The following TMEFF2 variants were observed in gnomAD, a reference collection of about 807,000 sequenced individuals.
TMEFF2 encodes the protein transmembrane protein with EGF like and two follistatin like domains 2.
In TMEFF2, 28 loss-of-function variants were observed where a neutral mutation model predicts 53.8. The observed-to-expected ratio is 0.52, with a 90% confidence interval of 0.39 to 0.71. TMEFF2 has a LOEUF of 0.71. Ranked by LOEUF, TMEFF2 falls within the 30% of genes least tolerant of loss-of-function variation. The pLI, the probability that TMEFF2 is intolerant of heterozygous loss-of-function variation, is 0.00. For synonymous variants in TMEFF2, 162 were observed against 166.3 expected (o/e 0.97, Z 0.20); for missense variants, 353 against 455.2 (o/e 0.78, Z 2.04).
At chr2:192,171,430 C>T (rs1690911084) in intron 4 of TMEFF2, among the ~76,000 whole-genome samples, 1 of 151,920 alleles carries the variant, frequency 6.6e-6, no homozygotes. Flanking sequence ...ACACAGCAGC[C>T]AGAGTGATCT....
chr2:192,083,627 C>T (rs973004739), intron 4 of TMEFF2, among the ~76,000 whole-genome samples: 1 of 151,720 alleles, frequency 6.6e-6, no homozygotes, highest in Non-Finnish European at 1.5e-5. Context: ...AAATCCTCTA[C>T]ATAGCGGTTA....
intron 4 of TMEFF2, among the ~76,000 whole-genome samples, chr2:192,147,914 T>A (rs1035119909): frequency 1.2e-4 from 18 of 152,066 alleles, no homozygotes; most frequent in Non-Finnish European, 5.9e-5. Flanking sequence ...GTGATATATA[T>A]TTTTAATATA....
chr2:192,141,459 G>GAAAAAAAAAAAAAAAAAAAA (rs397987092), intron 4 of TMEFF2, among the ~76,000 whole-genome samples: 2 of 107,230 alleles, frequency 1.9e-5, no homozygotes, highest in Non-Finnish European at 1.8e-5. Context: ...TCTCAAAAAA[G>GAAAAAAAAAAAAAAAAAAAA]AAAAAAAAAA....
At chr2:192,145,936 T>C (rs541398104) in intron 4 of TMEFF2, among the ~76,000 whole-genome samples, 1 of 152,036 alleles carries the variant, frequency 6.6e-6, no homozygotes, top group African/African-American at 2.4e-5. Flanking sequence ...GAAAAAAAAC[T>C]GAAAAGCAAC....
chr2:191,991,635 C>T (rs750115303), intron 7 of TMEFF2, among the ~76,000 whole-genome samples: 7 of 152,064 alleles, frequency 4.6e-5, no homozygotes, highest in Non-Finnish European at 1.0e-4. Flanking sequence ...CTTGTGGTTA[C>T]AACCGCTAAA....
chr2:191,955,548 T>TTTTTTTTTTTTTG (rs1559059111), intron 8 of TMEFF2, among the ~76,000 whole-genome samples: 10 of 145,340 alleles, frequency 6.9e-5, no homozygotes, highest in Non-Finnish European at 1.1e-4. Context: ...TTTTTTTTTT[T>TTTTTTTTTTTTTG]AGAGATAGGA....
At chr2:192,163,082 T>C (rs528916315) in intron 4 of TMEFF2, among the ~76,000 whole-genome samples, 21 of 152,322 alleles carry the variant, frequency 1.4e-4, no homozygotes, top group Admixed American at 7.8e-4. Flanking sequence ...GGGTGGGCCT[T>C]GGGCTTTCTG....
intron 7 of TMEFF2, among the ~76,000 whole-genome samples, chr2:191,964,993 C>A (rs957376467): frequency 1.3e-5 from 2 of 152,020 alleles, no homozygotes; most frequent in Admixed American, 6.6e-5. Flanking sequence ...CCAACTGATT[C>A]CTTAAATGTT....
At chr2:192,107,069 A>G (rs79721114) in intron 4 of TMEFF2, among the ~76,000 whole-genome samples, 4,990 of 151,822 alleles carry the variant, frequency 0.033, 269 homozygotes, top group African/African-American at 0.11. Flanking sequence ...TAATAGTGAA[A>G]TATAAGGCTG....
chr2:192,086,622 G>A (rs930359808), intron 4 of TMEFF2, among the ~76,000 whole-genome samples: 12 of 152,118 alleles, frequency 7.9e-5, no homozygotes, highest in Non-Finnish European at 1.5e-4. Context: ...AAAGTTCATA[G>A]TAATAATCAA....
intron 7 of TMEFF2, among the ~76,000 whole-genome samples, chr2:191,966,167 A>C (rs76846635): frequency 1.1e-3 from 162 of 152,304 alleles, no homozygotes; most frequent in African/African-American, 3.7e-3. Context: ...ACTTTGCTTC[A>C]TGGGAACAAC....
chr2:192,131,176 A>G (rs11684424), intron 4 of TMEFF2, among the ~76,000 whole-genome samples: 4 of 38,702 alleles, frequency 1.0e-4, no homozygotes, highest in East Asian at 1.3e-3. Context: ...TTCTGGGAAA[A>G]GGGCAAGTAC....
chr2:192,105,399 A>G (rs1372388701), intron 4 of TMEFF2, among the ~76,000 whole-genome samples: 1 of 152,008 alleles, frequency 6.6e-6, no homozygotes, highest in Non-Finnish European at 1.5e-5. Context: ...AATTAATAAC[A>G]GCTATTATTT....
chr2:192,116,055 C>T (rs568755516), intron 4 of TMEFF2, among the ~76,000 whole-genome samples: 1 of 152,102 alleles, frequency 6.6e-6, no homozygotes, highest in Admixed American at 6.6e-5. Context: ...CAGCATTATT[C>T]ACAGTAGACA....
At chr2:192,184,862 A>T (rs1691273110) in intron 2 of TMEFF2, among the ~76,000 whole-genome samples, 1 of 152,108 alleles carries the variant, frequency 6.6e-6, no homozygotes, top group African/African-American at 2.4e-5. Flanking sequence ...CAAGCTATTA[A>T]AAAACAAAGG....
At chr2:192,160,341 T>C (rs921494333) in intron 4 of TMEFF2, among the ~76,000 whole-genome samples, 2 of 152,196 alleles carry the variant, frequency 1.3e-5, no homozygotes. Context: ...TGTACTGTAA[T>C]ATCCACTTTA....
At chr2:192,044,768 A>G (rs1441677059) in intron 5 of TMEFF2, among the ~76,000 whole-genome samples, 2 of 152,152 alleles carry the variant, frequency 1.3e-5, no homozygotes, top group Admixed American at 6.5e-5. Context: ...TTCTGTGGAT[A>G]ACTACTCTCC....
rs1328879244 is a variant in TMEFF2 at position 192,179,566 on chromosome 2, T to G, written c.439+102A>C. On this transcript the variant is annotated intron_variant, in intron 4 of 9. Transcript: ENST00000272771. The stretch of plus-strand genomic sequence containing the variant: ...GTTTCACCTTTCCTAAAATGCAAAA[T>G]ATGAAATTTGTCTTAAATATCTGAA... 2.1e-5 allele frequency: 28 copies of G among 1,317,480 alleles called. No homozygotes were observed. The Middle Eastern group carries it at 6.1e-4, about 29-fold the overall frequency. The allele number at this position is 1,317,480 out of a possible 1,614,324, so 81.6% of individuals were successfully genotyped here.
intron 4 of TMEFF2, among the ~76,000 whole-genome samples, chr2:192,118,590 T>C (rs568173129): frequency 6.6e-6 from 1 of 152,300 alleles, no homozygotes; most frequent in East Asian, 1.9e-4. Flanking sequence ...ATTACAGAAG[T>C]TGTCTCAGGA....
Sources: allele counts gnomAD v4.1 joint callset (sites outside exome capture counted in the v4.1 genomes callset), GRCh38; gene constraint gnomAD v4.1.1; transcripts MANE v1.5; gene names NCBI Gene and HGNC (gene_info 2026-07-23, HGNC 2026-07-21).